CACNA2D1: variants seen among roughly 807,000 people sequenced by gnomAD.
The protein encoded by CACNA2D1 is voltage-dependent calcium channel subunit alpha-2/delta-1.
A neutral mutation model predicts 171.5 loss-of-function variants in CACNA2D1; 53 were observed. That is an observed-to-expected ratio of 0.31 (90% CI 0.25 to 0.39). CACNA2D1 has a LOEUF of 0.39. Among genes scored for constraint, CACNA2D1 ranks in the 10% least tolerant of loss-of-function variants. The pLI is 1.00. For synonymous variants in CACNA2D1, 442 were observed against 443.1 expected (o/e 1.00, Z 0.03); for missense variants, 903 against 1,299.8 (o/e 0.69, Z 4.69).
chr7:82,147,822 C>T (rs1793319966), intron 4 of CACNA2D1, among the ~76,000 whole-genome samples: 1 of 152,106 alleles, frequency 6.6e-6, no homozygotes. Flanking sequence ...CCTCAAAGAA[C>T]ATTAGGTTGG....
At chr7:82,055,011 T>A (rs907422531) in intron 10 of CACNA2D1, among the ~76,000 whole-genome samples, 2 of 152,220 alleles carry the variant, frequency 1.3e-5, no homozygotes, top group Non-Finnish European at 2.9e-5. Flanking sequence ...GTGTGGCAAC[T>A]AATTAAAAGA....
chr7:82,118,465 A>G (rs1789332010), intron 5 of CACNA2D1, among the ~76,000 whole-genome samples: 1 of 152,174 alleles, frequency 6.6e-6, no homozygotes, highest in Non-Finnish European at 1.5e-5. Flanking sequence ...GGGAGAAATG[A>G]ATGGATGTAT....
intron 36 of CACNA2D1, 111 bp downstream of exon 36, chr7:81,961,783 T>G (rs1451657966): frequency 1.1e-6 from 1 of 918,936 alleles, no homozygotes; most frequent in African/African-American, 1.7e-5. Flanking sequence ...TCCAACACAA[T>G]TTTCAGTTTT....
intron 1 of CACNA2D1, among the ~76,000 whole-genome samples, chr7:82,381,516 C>A (rs769513842): frequency 2.3e-4 from 35 of 152,146 alleles, no homozygotes; most frequent in Non-Finnish European, 2.9e-4. Flanking sequence ...TGTTCTTGGA[C>A]CACAATGTCT....
At chr7:82,270,153 A>G (rs547105189) in intron 3 of CACNA2D1, among the ~76,000 whole-genome samples, 30 of 152,256 alleles carry the variant, frequency 2.0e-4, no homozygotes, top group East Asian at 7.7e-4. Context: ...CTCCTCAGCT[A>G]TCTCTGACAT....
intron 3 of CACNA2D1, among the ~76,000 whole-genome samples, chr7:82,331,202 A>G (rs543400617): frequency 2.6e-4 from 39 of 152,258 alleles, no homozygotes; most frequent in African/African-American, 8.4e-4. Flanking sequence ...ATGGGAAATA[A>G]TTAGATAATG....
In CACNA2D1 at chr7:81,948,559, T is replaced by G. The variant is rs917900886; in HGVS notation, c.*1833A>C. On this transcript the variant is annotated 3_prime_UTR_variant, in exon 39 of 39. Transcript: ENST00000356860. ...TATGCAAAGCTAAAAACAAAACAAA[T>G]GTTATCTTTTAAGCTACGTTAAATT... The G allele has an allele frequency of 2.6e-5, 4 of 151,788 alleles. No individual in the cohort carries two copies. Among genetic ancestry groups the G allele is most frequent in the Non-Finnish European group, 5.9e-5 (4 of 67,800 alleles). The allele number at this position is 151,788 out of a possible 1,614,324, so 9.4% of individuals were successfully genotyped here. A position where few individuals can be genotyped will look rare whatever the true frequency, so the allele number is the denominator to read the frequency against.
chr7:82,056,317 T>C (rs1805901762), intron 10 of CACNA2D1, among the ~76,000 whole-genome samples: 1 of 152,184 alleles, frequency 6.6e-6, no homozygotes, highest in Non-Finnish European at 1.5e-5. Context: ...GATTAGAAGA[T>C]GTTCCTCATA....
intron 7 of CACNA2D1, among the ~76,000 whole-genome samples, chr7:82,083,147 A>G (rs1810007643): frequency 6.6e-6 from 1 of 151,612 alleles, no homozygotes; most frequent in South Asian, 2.1e-4. Flanking sequence ...TTTTCTTTTA[A>G]TTATCATTTC....
intron 3 of CACNA2D1, among the ~76,000 whole-genome samples, chr7:82,206,743 T>A (rs1433776429): frequency 6.6e-6 from 1 of 152,068 alleles, no homozygotes; most frequent in Admixed American, 6.6e-5. Flanking sequence ...TTTCCAATAG[T>A]GGCATTACTA....
chr7:82,203,440 T>G (rs1799686283), intron 3 of CACNA2D1, among the ~76,000 whole-genome samples: 1 of 152,200 alleles, frequency 6.6e-6, no homozygotes, highest in Admixed American at 6.5e-5. Flanking sequence ...TGCAGGGCTA[T>G]AGCATAGCCC....
At chr7:82,145,663 T>C (rs1029417300) in intron 4 of CACNA2D1, among the ~76,000 whole-genome samples, 1 of 134,982 alleles carries the variant, frequency 7.4e-6, no homozygotes, top group Non-Finnish European at 1.5e-5. Context: ...TTTATATATA[T>C]GCACATACAT....
intron 38 of CACNA2D1, among the ~76,000 whole-genome samples, chr7:81,955,496 T>C (rs1333307067): frequency 6.6e-6 from 1 of 152,158 alleles, no homozygotes; most frequent in Non-Finnish European, 1.5e-5. Context: ...CACTGTTCTA[T>C]ACAGATAACT....
intron 3 of CACNA2D1, among the ~76,000 whole-genome samples, chr7:82,179,567 A>G (rs564141977): frequency 3.0e-4 from 45 of 151,982 alleles, no homozygotes; most frequent in African/African-American, 1.1e-3. Context: ...ATAAACACCA[A>G]CCTAAGTTGC....
chr7:82,030,463 T>C (rs1249592717), intron 12 of CACNA2D1, among the ~76,000 whole-genome samples: 5 of 151,542 alleles, frequency 3.3e-5, no homozygotes, highest in African/African-American at 1.2e-4. Flanking sequence ...CAACTTGTTC[T>C]TATTTATATA....
At chr7:81,991,749 A>C (rs926981004) in intron 20 of CACNA2D1, among the ~76,000 whole-genome samples, 2 of 152,188 alleles carry the variant, frequency 1.3e-5, no homozygotes, top group Admixed American at 1.3e-4. Flanking sequence ...CCCACCAGGG[A>C]AAGAAAATAC....
intron 1 of CACNA2D1, among the ~76,000 whole-genome samples, chr7:82,388,432 T>C (rs1204171757): frequency 2.0e-5 from 3 of 152,182 alleles, no homozygotes; most frequent in Non-Finnish European, 4.4e-5. Context: ...TGAAAATAAA[T>C]TCAGGTTGAT....
intron 12 of CACNA2D1, chr7:82,024,030 A>G: frequency 6.6e-6 from 1 of 151,788 alleles, no homozygotes; most frequent in Admixed American, 6.6e-5. Context: ...GTATGTATAT[A>G]CCACATTTTC....
At chr7:82,154,248 T>C (rs1157046963) in intron 4 of CACNA2D1, among the ~76,000 whole-genome samples, 1 of 152,178 alleles carries the variant, frequency 6.6e-6, no homozygotes, top group Non-Finnish European at 1.5e-5. Context: ...AAGCAGACAA[T>C]AGTCTAATAT....
Sources: allele counts gnomAD v4.1 joint callset (sites outside exome capture counted in the v4.1 genomes callset), GRCh38; gene constraint gnomAD v4.1.1; transcripts MANE v1.5; gene names NCBI Gene and HGNC (gene_info 2026-07-23, HGNC 2026-07-21).